CCDC148: variants seen among roughly 807,000 people sequenced by gnomAD.
CCDC148 encodes coiled-coil domain containing 148.
A neutral mutation model predicts 85.7 loss-of-function variants in CCDC148; 89 were observed. That is an observed-to-expected ratio of 1.04 (90% CI 0.87 to 1.24). The LOEUF is 1.24. CCDC148 is among the 50% of genes most tolerant of loss of function. The probability of loss-of-function intolerance (pLI) is 0.00; values close to 1 mark genes in which losing one functional copy is unlikely to be tolerated. For missense variants in CCDC148, 692 were observed against 671.7 expected, an observed-to-expected ratio of 1.03 and a Z score of -0.33; for synonymous variants, 230 against 213.9, an observed-to-expected ratio of 1.08 and a Z score of -0.66.
At chr2:158,433,130 C>T (rs1055342695) in intron 1 of CCDC148, among the ~76,000 whole-genome samples, 2 of 132,064 alleles carry the variant, frequency 1.5e-5, no homozygotes, top group African/African-American at 5.4e-5. Context: ...TGTCATGGCC[C>T]ACACCTGTAG....
intron 9 of CCDC148, among the ~76,000 whole-genome samples, chr2:158,254,258 T>C (rs1688921487): frequency 6.6e-6 from 1 of 151,722 alleles, no homozygotes; most frequent in Admixed American, 6.6e-5. Context: ...TATTGGTTAG[T>C]TGATGCTATT....
chr2:158,326,475 G>A (rs878995011), intron 7 of CCDC148, among the ~76,000 whole-genome samples: 1 of 152,044 alleles, frequency 6.6e-6, no homozygotes, highest in Non-Finnish European at 1.5e-5. Context: ...ACGAATTTTT[G>A]TATATTTTAT....
chr2:158,251,629 C>G (rs142777285), intron 9 of CCDC148, among the ~76,000 whole-genome samples: 15 of 151,768 alleles, frequency 9.9e-5, no homozygotes, highest in Non-Finnish European at 1.5e-4. Flanking sequence ...TCGAAAAAGT[C>G]TAAAGTCTGG....
At chr2:158,294,936 G>T (rs1001686515) in intron 9 of CCDC148, among the ~76,000 whole-genome samples, 3 of 151,820 alleles carry the variant, frequency 2.0e-5, no homozygotes, top group Admixed American at 6.6e-5. Flanking sequence ...GACATGATCA[G>T]ATTTTTTAGT....
At chr2:158,265,263 C>T (rs969597831) in intron 9 of CCDC148, among the ~76,000 whole-genome samples, 1 of 152,128 alleles carries the variant, frequency 6.6e-6, no homozygotes, top group African/African-American at 2.4e-5. Flanking sequence ...CAGATAATTA[C>T]TCTCAGCTAG....
intron 9 of CCDC148, among the ~76,000 whole-genome samples, chr2:158,271,404 G>C (rs1302325186): frequency 6.6e-6 from 1 of 152,138 alleles, no homozygotes; most frequent in African/African-American, 2.4e-5. Context: ...GTTGCATGCT[G>C]TTCTGAGTAG....
chr2:158,310,022 T>C (rs1053781553), intron 8 of CCDC148, among the ~76,000 whole-genome samples: 27 of 152,344 alleles, frequency 1.8e-4, no homozygotes, highest in African/African-American at 6.3e-4. Context: ...GGTCAGCAGA[T>C]AAACATGTGA....
intron 11 of CCDC148, among the ~76,000 whole-genome samples, chr2:158,215,063 AG>A (rs1240985302): frequency 2.0e-5 from 3 of 152,246 alleles, no homozygotes; most frequent in Non-Finnish European, 2.9e-5. Flanking sequence ...CTATCAATGT[AG>A]AACTATAAAC....
At chr2:158,326,512 T>G (rs1202176192) in intron 7 of CCDC148, among the ~76,000 whole-genome samples, 1 of 152,216 alleles carries the variant, frequency 6.6e-6, no homozygotes, top group Non-Finnish European at 1.5e-5. Flanking sequence ...TAAATATTTG[T>G]TGAAAATACG....
At chr2:158,398,488 C>A (rs961738565) in intron 1 of CCDC148, among the ~76,000 whole-genome samples, 1 of 152,138 alleles carries the variant, frequency 6.6e-6, no homozygotes, top group African/African-American at 2.4e-5. Flanking sequence ...CAAAACCACA[C>A]AACTACATGG....
intron 1 of CCDC148, chr2:158,420,080 G>C (rs952616220): frequency 3.3e-5 from 5 of 152,082 alleles, no homozygotes; most frequent in Admixed American, 1.3e-4. Context: ...ATGAATGCAA[G>C]CAAGAATGAG....
At chr2:158,402,432 CAAA>C (rs5835702) in intron 1 of CCDC148, among the ~76,000 whole-genome samples, 15 of 143,074 alleles carry the variant, frequency 1.0e-4, no homozygotes, top group Admixed American at 1.4e-4. Flanking sequence ...AGAAAGTAGT[CAAA>C]AAAAAAAAAA....
At chr2:158,226,757 C>G (rs889980869) in intron 10 of CCDC148, among the ~76,000 whole-genome samples, 4 of 152,032 alleles carry the variant, frequency 2.6e-5, no homozygotes, top group Admixed American at 6.6e-5. Flanking sequence ...ATTCAACAGC[C>G]CTTCATGCTA....
intron 10 of CCDC148, among the ~76,000 whole-genome samples, chr2:158,229,334 C>A (rs539673613): frequency 6.6e-6 from 1 of 152,238 alleles, no homozygotes; most frequent in East Asian, 1.9e-4. Context: ...AATTAATATA[C>A]TTTTCTTCTG....
At chr2:158,402,392 C>A (rs1225265109) in intron 1 of CCDC148, among the ~76,000 whole-genome samples, 1 of 148,586 alleles carries the variant, frequency 6.7e-6, no homozygotes, top group African/African-American at 2.5e-5. Flanking sequence ...GTTCTTTGTT[C>A]GTAATGCAGA....
chr2:158,283,259 A>T (rs1445649564), intron 9 of CCDC148, among the ~76,000 whole-genome samples: 1 of 152,248 alleles, frequency 6.6e-6, no homozygotes, highest in African/African-American at 2.4e-5. Flanking sequence ...CAATGGCAAC[A>T]AAAGCCAAAA....
chr2:158,246,316 T>C lies in CCDC148; in HGVS notation c.1251+4456A>G, dbSNP rs556074413. On this transcript the variant is annotated intron_variant, in intron 10 of 13. Coordinates refer to ENST00000283233, the MANE Select transcript of CCDC148 (RefSeq NM_138803.4). ...GCTGTTAAACGCTGAAGAACCAAAA[T>C]GTATCTCCAACAGTAAAATAGTTAA... Among the ~76,000 whole-genome samples the C allele has an allele frequency of 7.2e-5, 11 of 152,312 alleles. No individual in the cohort carries two copies. In the South Asian group the frequency reaches 2.1e-3, roughly 29 times the overall value.
chr2:158,254,325 G>A (rs932354040), intron 9 of CCDC148, among the ~76,000 whole-genome samples: 2 of 151,534 alleles, frequency 1.3e-5, no homozygotes, highest in South Asian at 2.1e-4. Context: ...GTTCTATAAC[G>A]TTAGAGATAT....
At chr2:158,200,708 CAGTACACTTGGTTAAGGT>C (rs1173485249) in intron 11 of CCDC148, among the ~76,000 whole-genome samples, 1 of 152,132 alleles carries the variant, frequency 6.6e-6, no homozygotes, top group East Asian at 1.9e-4. Flanking sequence ...GATGCTAAAT[CAGTACACTTGGTTAAGGT>C]AGCGATAGTC....
Sources: allele counts gnomAD v4.1 joint callset (sites outside exome capture counted in the v4.1 genomes callset), GRCh38; gene constraint gnomAD v4.1.1; transcripts MANE v1.5; gene names NCBI Gene and HGNC (gene_info 2026-07-23, HGNC 2026-07-21).